The following WASF1 variants were observed in gnomAD, a reference collection of about 807,000 sequenced individuals.
WASF1 encodes actin-binding protein WASF1.
A neutral mutation model predicts 50.5 loss-of-function variants in WASF1; 7 were observed. The observed-to-expected ratio is 0.14, with a 90% CI of 0.08 to 0.26. The LOEUF is 0.26. Ranked by LOEUF, WASF1 falls within the 10% of genes least tolerant of loss-of-function variation. The pLI is 1.00. For synonymous variants in WASF1, 205 were observed against 244.0 expected (o/e 0.84, Z 1.49); for missense variants, 470 against 694.7 (o/e 0.68, Z 3.64).
chr6:110,173,237 T>C (rs1416744772), intron 2 of WASF1, among the ~76,000 whole-genome samples: 2 of 152,110 alleles, frequency 1.3e-5, no homozygotes, highest in African/African-American at 4.8e-5. Context: ...TGTAACTTTA[T>C]TGGAGTAGAC....
Position 110,101,899 on chromosome 6 carries a change from G to A in WASF1, c.1211C>T (p.Ala404Val), listed in dbSNP as rs1773107775. The change falls in exon 10 of 11, where the codon GCC becomes GTC. Residue 404 changes from alanine (A) to valine (V), a missense_variant. By Grantham distance (64) the Ala-to-Val change is moderately conservative. Coordinates refer to ENST00000392589, the MANE Select transcript of WASF1 (RefSeq NM_003931.3). ...VQPSPPVARA[A>V]PVCETVPVHP... Reference sequence around the variant, plus strand: ...AACTGGTACAGTCTCACATACTGGGGCAGCTCTAGCTACTGGTGGAGAGGG... The same window carrying A: ...AACTGGTACAGTCTCACATACTGGGACAGCTCTAGCTACTGGTGGAGAGGG... The A allele has an allele frequency of 3.7e-6, 6 of 1,613,230 alleles. No homozygotes were observed. The highest frequency in any genetic ancestry group is 1.7e-5 in the Admixed American group (1 of 59,966).
chr6:110,147,393 C>G (rs975635667), intron 3 of WASF1, among the ~76,000 whole-genome samples: 3 of 151,006 alleles, frequency 2.0e-5, no homozygotes, highest in East Asian at 3.9e-4. Context: ...AATAGCAAAG[C>G]ATTAAATTTT....
At chr6:110,134,488 G>C (rs187779645) in intron 3 of WASF1, among the ~76,000 whole-genome samples, 1 of 150,796 alleles carries the variant, frequency 6.6e-6, no homozygotes, top group Non-Finnish European at 1.5e-5. Context: ...GCGGTGGCAC[G>C]ATCTCAGCTC....
intron 3 of WASF1, among the ~76,000 whole-genome samples, chr6:110,152,037 A>G (rs1243148690): frequency 1.2e-4 from 18 of 152,214 alleles, no homozygotes; most frequent in Admixed American, 1.1e-3. Context: ...CATGATATCC[A>G]GTCCCTAGCA....
chr6:110,159,838 C>T (rs1283134280), intron 3 of WASF1, among the ~76,000 whole-genome samples: 5 of 151,778 alleles, frequency 3.3e-5, no homozygotes, highest in South Asian at 2.1e-4. Flanking sequence ...AGTACCTACA[C>T]GTGAAATTTT....
intron 2 of WASF1, among the ~76,000 whole-genome samples, chr6:110,160,989 G>A (rs1377558354): frequency 2.0e-5 from 3 of 151,184 alleles, no homozygotes; most frequent in Non-Finnish European, 4.4e-5. Context: ...TGCTTACCCA[G>A]AAGTCTGAAA....
chr6:110,103,334 T>A, intron 9 of WASF1, 44 bp downstream of exon 9: 3 of 1,574,798 alleles, frequency 1.9e-6, no homozygotes, highest in Non-Finnish European at 8.6e-7. Flanking sequence ...AGAAAAAGCT[T>A]ACTGACTCCT....
intron 3 of WASF1, among the ~76,000 whole-genome samples, chr6:110,130,051 G>T (rs1774593060): frequency 6.6e-6 from 1 of 152,182 alleles, no homozygotes; most frequent in Non-Finnish European, 1.5e-5. Flanking sequence ...GAGCTTTAAT[G>T]ACTAACAAAT....
At chr6:110,138,094 G>C (rs1219695247) in intron 3 of WASF1, among the ~76,000 whole-genome samples, 1 of 152,258 alleles carries the variant, frequency 6.6e-6, no homozygotes, top group Non-Finnish European at 1.5e-5. Context: ...GGAGTGGCAA[G>C]GGGTGTGTAA....
chr6:110,158,965 A>C (rs1262936134), intron 3 of WASF1, among the ~76,000 whole-genome samples: 1 of 151,910 alleles, frequency 6.6e-6, no homozygotes, highest in African/African-American at 2.4e-5. Flanking sequence ...ATTATTAACC[A>C]AATAGCCATT....
intron 3 of WASF1, among the ~76,000 whole-genome samples, chr6:110,132,785 T>A (rs1341620015): frequency 6.6e-6 from 1 of 151,884 alleles, no homozygotes; most frequent in East Asian, 2.0e-4. Flanking sequence ...GAACATACAA[T>A]GTTTGGTTTT....
chr6:110,134,654 GA>G (rs1026075915), intron 3 of WASF1, among the ~76,000 whole-genome samples: 10 of 152,046 alleles, frequency 6.6e-5, no homozygotes, highest in African/African-American at 2.4e-4. Flanking sequence ...TCAAACTCCT[GA>G]CCTCAGGTGA....
chr6:110,145,901 A>G (rs539745594), intron 3 of WASF1, among the ~76,000 whole-genome samples: 2 of 147,628 alleles, frequency 1.4e-5, no homozygotes, highest in Admixed American at 1.4e-4. Context: ...CAAACACTGC[A>G]TGTTCTCACT....
intron 3 of WASF1, among the ~76,000 whole-genome samples, chr6:110,141,854 C>T (rs1225300211): frequency 6.6e-6 from 1 of 151,892 alleles, no homozygotes; most frequent in Non-Finnish European, 1.5e-5. Flanking sequence ...TCACTGCAAC[C>T]TCCGCAACCC....
In WASF1 at chr6:110,113,480, A is replaced by G; in HGVS notation, c.134-20T>C. 1 of 1,566,582 alleles carries G rather than the reference A, an allele frequency of 6.4e-7. No individual in the cohort carries two copies. Among genetic ancestry groups the G allele is most frequent in the Non-Finnish European group, 8.6e-7 (1 of 1,158,084 alleles). ...ATTTACCTAAGCAAAAATGACACAT[A>G]TATCATAAAATTTAACATCCAGAGC... On this transcript the variant is annotated intron_variant, in intron 4 of 10. Coordinates refer to ENST00000392589, the MANE Select transcript of WASF1 (RefSeq NM_003931.3).
At chr6:110,173,110 T>C (rs1409538327) in intron 2 of WASF1, among the ~76,000 whole-genome samples, 3 of 152,112 alleles carry the variant, frequency 2.0e-5, no homozygotes, top group Admixed American at 2.0e-4. Context: ...AAAACAAACT[T>C]ACTTTTGTAG....
intron 3 of WASF1, among the ~76,000 whole-genome samples, chr6:110,130,685 G>A (rs748095134): frequency 2.6e-5 from 4 of 152,098 alleles, no homozygotes; most frequent in Non-Finnish European, 4.4e-5. Context: ...TCATGCACAT[G>A]TGTCTTAGTG....
chr6:110,107,013 C>T lies in WASF1; in HGVS notation c.540+64G>A. The T allele has an allele frequency of 2.6e-6, 3 of 1,145,224 alleles. No individual in the cohort carries two copies. The East Asian group carries it at 7.2e-5, about 28-fold the overall frequency. 70.9% of individuals were successfully genotyped at this position (1,145,224 alleles called of 1,614,324 possible). A position where few individuals can be genotyped will look rare whatever the true frequency, so the allele number is the denominator to read the frequency against. Reference sequence around the variant, plus strand: ...GTCAAAATACAAGATTAATGAAGTTCAATATATGCAACAAAACACAAATAT... The same window carrying T: ...GTCAAAATACAAGATTAATGAAGTTTAATATATGCAACAAAACACAAATAT... On this transcript the variant is annotated intron_variant, in intron 7 of 10. Coordinates refer to ENST00000392589, the MANE Select transcript of WASF1 (RefSeq NM_003931.3).
intron 3 of WASF1, among the ~76,000 whole-genome samples, chr6:110,138,599 T>C (rs1775074488): frequency 1.3e-5 from 2 of 152,060 alleles, no homozygotes; most frequent in Admixed American, 1.3e-4. Flanking sequence ...TCCCAATGAG[T>C]GTCCAGCTCT....
Sources: allele counts gnomAD v4.1 joint callset (sites outside exome capture counted in the v4.1 genomes callset), GRCh38; gene constraint gnomAD v4.1.1; transcripts MANE v1.5; gene names NCBI Gene and HGNC (gene_info 2026-07-23, HGNC 2026-07-21).